The following TTC39C variants were observed in gnomAD, a reference collection of about 807,000 sequenced individuals.
TTC39C encodes the protein tetratricopeptide repeat domain 39C.
A neutral mutation model predicts 76.3 loss-of-function variants in TTC39C; 33 were observed. The observed-to-expected ratio is 0.43, with a 90% CI of 0.33 to 0.58. The LOEUF (loss-of-function observed/expected upper bound fraction) is 0.58, where lower values mean the gene tolerates loss of function less well. TTC39C is among the 20% of genes least tolerant of loss of function. The pLI is 0.04. For synonymous variants in TTC39C, 254 were observed against 260.6 expected, an observed-to-expected ratio of 0.97 and a Z score of 0.24; for missense variants, 595 against 701.4, an observed-to-expected ratio of 0.85 and a Z score of 1.71.
At chr18:24,018,322 T>C (rs1243308066) in intron 1 of TTC39C, among the ~76,000 whole-genome samples, 1 of 152,148 alleles carries the variant, frequency 6.6e-6, no homozygotes, top group East Asian at 1.9e-4. Flanking sequence ...CCACCTGAAG[T>C]CAAGTTCCTG....
chr18:24,065,938 GT>G, intron 2 of TTC39C, 73 bp from the exon 3 acceptor site: 1 of 1,431,332 alleles, frequency 7.0e-7, no homozygotes, highest in South Asian at 1.4e-5. Flanking sequence ...TTAATTTGGA[GT>G]TTTCTTGTAA....
At chr18:24,112,166 G>A (rs2084822895) in intron 6 of TTC39C, among the ~76,000 whole-genome samples, 1 of 152,112 alleles carries the variant, frequency 6.6e-6, no homozygotes. Flanking sequence ...TTGACTTGTG[G>A]CAGCATCACT....
chr18:24,002,764 A>G (rs927139475), intron 1 of TTC39C, among the ~76,000 whole-genome samples: 1 of 152,102 alleles, frequency 6.6e-6, no homozygotes, highest in Non-Finnish European at 1.5e-5. Context: ...GAACGTATGT[A>G]TCCAGCCCTG....
At chr18:24,127,284 T>C (rs1175758420) in intron 10 of TTC39C, among the ~76,000 whole-genome samples, 1 of 152,188 alleles carries the variant, frequency 6.6e-6, no homozygotes, top group Admixed American at 6.5e-5. Context: ...TAGAGAAAGT[T>C]ATGTTCCAGA....
chr18:24,093,396 G>A (rs997178788), intron 6 of TTC39C, among the ~76,000 whole-genome samples: 11 of 151,516 alleles, frequency 7.3e-5, no homozygotes, highest in South Asian at 2.1e-4. Flanking sequence ...GGAGAATGGC[G>A]TGAACCCAGG....
chr18:24,016,119 C>G (rs2083451725), intron 1 of TTC39C, among the ~76,000 whole-genome samples: 1 of 152,218 alleles, frequency 6.6e-6, no homozygotes, highest in Non-Finnish European at 1.5e-5. Context: ...TTCTACCCAG[C>G]AGAGCTTCCA....
At chr18:24,093,698 A>C (rs899680683) in intron 6 of TTC39C, among the ~76,000 whole-genome samples, 10 of 152,360 alleles carry the variant, frequency 6.6e-5, no homozygotes, top group African/African-American at 1.9e-4. Flanking sequence ...TTCCCAGTGC[A>C]TATAAAAGTT....
chr18:24,006,185 G>C (rs532101993), intron 1 of TTC39C, among the ~76,000 whole-genome samples: 1 of 151,976 alleles, frequency 6.6e-6, no homozygotes, highest in African/African-American at 2.4e-5. Flanking sequence ...GCTAATTTTT[G>C]TATTTTTTAT....
At chr18:24,131,861 G>T (rs1242810464) in intron 12 of TTC39C, 21 bp from the exon 13 acceptor site, 2 of 1,606,306 alleles carry the variant, frequency 1.2e-6, no homozygotes, top group African/African-American at 1.3e-5. Context: ...GATTTTATGG[G>T]ATAATGTGTT....
At chr18:24,027,050 G>A (rs548889359) in intron 1 of TTC39C, among the ~76,000 whole-genome samples, 9 of 152,246 alleles carry the variant, frequency 5.9e-5, no homozygotes, top group South Asian at 2.1e-4. Context: ...CTAGCACTTC[G>A]GGAGGCCGAG....
chr18:24,084,619 G>A (rs1298302349), intron 6 of TTC39C, among the ~76,000 whole-genome samples: 1 of 151,606 alleles, frequency 6.6e-6, no homozygotes, highest in Non-Finnish European at 1.5e-5. Flanking sequence ...AGGCTCGTGA[G>A]CCCTTGGTTG....
In TTC39C at chr18:24,080,577, C is replaced by G; in HGVS notation, c.461-8C>G. ...GTTTTTGAATCTTTTCTCCCCTTCT[C>G]TTTTTAGCTTATATCAAAGGTGGGT... is the stretch of plus-strand genomic sequence containing the variant. On this transcript the variant is annotated splice_polypyrimidine_tract_variant and splice_region_variant and intron_variant, in intron 4 of 13. Coordinates refer to ENST00000317571, the MANE Select transcript of TTC39C (RefSeq NM_001135993.2). 6.4e-7 allele frequency: 1 copy of G among 1,570,710 alleles called. No individual in the cohort carries two copies. Among genetic ancestry groups the G allele is most frequent in the Middle Eastern group, 1.7e-4 (1 of 5,856 alleles).
upstream of TTC39C, among the ~76,000 whole-genome samples, chr18:24,010,046 C>T (rs971127087): frequency 7.2e-5 from 11 of 152,198 alleles, no homozygotes; most frequent in Non-Finnish European, 1.3e-4. Flanking sequence ...AAGGAACTTG[C>T]TGTATGGTTT....
At chr18:23,999,002 C>T (rs16940415) in intron 1 of TTC39C, among the ~76,000 whole-genome samples, 9,985 of 152,248 alleles carry the variant, frequency 0.066, 401 homozygotes, top group Middle Eastern at 0.19. Flanking sequence ...TGTCCTGAAT[C>T]ATCTTGGATG....
At chr18:24,055,091 CTGAA>C (rs1196834539) in intron 1 of TTC39C, among the ~76,000 whole-genome samples, 1 of 152,128 alleles carries the variant, frequency 6.6e-6, no homozygotes, top group African/African-American at 2.4e-5. Context: ...TTTTTTAAGG[CTGAA>C]TGGTATTCCA....
chr18:24,041,597 T>C (rs1008569795), intron 1 of TTC39C, among the ~76,000 whole-genome samples: 1 of 152,192 alleles, frequency 6.6e-6, no homozygotes, highest in African/African-American at 2.4e-5. Context: ...TCATGAAATA[T>C]TTTAGGGACC....
chr18:24,023,979 TACA>T (rs2083557789), intron 1 of TTC39C, among the ~76,000 whole-genome samples: 2 of 10,308 alleles, frequency 1.9e-4, no homozygotes, highest in African/African-American at 4.4e-4. Flanking sequence ...TATATATATA[TACA>T]TATATATATA....
chr18:24,038,864 T>G (rs2083760556), intron 1 of TTC39C, among the ~76,000 whole-genome samples: 1 of 151,402 alleles, frequency 6.6e-6, no homozygotes, highest in Admixed American at 6.6e-5. Flanking sequence ...TATGAGAGAG[T>G]GAGATGTCTT....
intron 1 of TTC39C, among the ~76,000 whole-genome samples, chr18:24,058,217 T>C (rs2084041625): frequency 6.6e-6 from 1 of 152,202 alleles, no homozygotes; most frequent in Non-Finnish European, 1.5e-5. Flanking sequence ...TGTACTATGC[T>C]TATTACCTGG....
Sources: allele counts gnomAD v4.1 joint callset (sites outside exome capture counted in the v4.1 genomes callset), GRCh38; gene constraint gnomAD v4.1.1; transcripts MANE v1.5; gene names NCBI Gene and HGNC (gene_info 2026-07-23, HGNC 2026-07-21).